TEKT3: variants seen among roughly 807,000 people sequenced by gnomAD.
TEKT3 encodes the protein tektin 3, also known as tektin-3.
TEKT3 carries 49 observed loss-of-function variants against 49.8 expected under a neutral mutation model. The ratio of observed to expected loss-of-function variants is 0.98; its 90% CI spans 0.78 to 1.25. The LOEUF is 1.25. Ranked by LOEUF, TEKT3 falls within the 50% of genes most tolerant of loss-of-function variation. TEKT3 has a pLI of 0.00. For synonymous variants in TEKT3, 225 were observed against 237.2 expected (o/e 0.95, Z 0.47); for missense variants, 595 against 629.5 (o/e 0.95, Z 0.59).
intron 5 of TEKT3, among the ~76,000 whole-genome samples, chr17:15,316,017 CT>C (rs1910989751): frequency 6.6e-6 from 1 of 152,206 alleles, no homozygotes; most frequent in South Asian, 2.1e-4. Flanking sequence ...TGTTTTTCTT[CT>C]TTGTAAAGTG....
rs928346314 is a variant in TEKT3, at chr17:15,331,518, A to G, written c.68T>C (p.Leu23Pro). 1.2e-6 allele frequency: 2 copies of G among 1,614,056 alleles called. No homozygotes were observed. The highest frequency in any genetic ancestry group is 1.7e-6 in the Non-Finnish European group (2 of 1,180,030). The change falls in exon 3 of 9, where the codon CTA (leucine) becomes CCA (proline). Residue 23 changes from leucine (L) to proline (P), a missense_variant. By Grantham distance (98) the Leu-to-Pro change is moderately conservative (BLOSUM62 -3). Coordinates refer to ENST00000395930, the MANE Select transcript of TEKT3 (RefSeq NM_031898.3). Reference protein sequence around the residue: ...AHPRPTPTNFLPAISTMASSY... With the variant: ...AHPRPTPTNFPPAISTMASSY... ...TGAGGCCATGGTACTGATGGCTGGT[A>G]GAAAGTTGGTTGGTGTTGGTCTAGG...
At position 15,314,028 on chromosome 17, in the gene TEKT3, C is replaced by T. The variant is rs1381949226; in HGVS notation, c.878+59G>A. ...TTTTAACCTGTAAGCTGTGTCCTTT[C>T]GAAAGGAGAAAGAGTTAAATGACAT... is the stretch of plus-strand genomic sequence containing the variant. On this transcript the variant is annotated intron_variant, in intron 6 of 8. Transcript: ENST00000395930. The T allele has an allele frequency of 2.4e-5, 38 of 1,609,152 alleles. No homozygotes were observed. The South Asian group carries it at 2.6e-4, about 11-fold the overall frequency.
At chr17:15,317,023 TG>T (rs1911039600) in intron 5 of TEKT3, among the ~76,000 whole-genome samples, 1 of 152,186 alleles carries the variant, frequency 6.6e-6, no homozygotes, top group Non-Finnish European at 1.5e-5. Flanking sequence ...AGGGTTTCAT[TG>T]CTCCTTCTGA....
chr17:15,343,451 C>T (rs942418086), upstream of TEKT3, among the ~76,000 whole-genome samples: 3 of 152,154 alleles, frequency 2.0e-5, no homozygotes, highest in South Asian at 4.1e-4. Flanking sequence ...ACGATAGAGA[C>T]CTCCTACAAT....
rs554194118 is a variant in TEKT3 at position 15,309,032 on chromosome 17, G to A, written c.1102-214C>T. Among the ~76,000 whole-genome samples, 27 of 152,198 alleles carry A rather than the reference G, an allele frequency of 1.8e-4. 1 individual carries two copies. The highest frequency in any genetic ancestry group is 8.3e-4 in the South Asian group (4 of 4,810). ...CATGCACCTGCTCTGGAGAGTGGGC[G>A]GCGCCTCTCTCCCCAACCCTAGGCT... On this transcript the variant is annotated intron_variant, in intron 7 of 8. Coordinates refer to ENST00000395930, the MANE Select transcript of TEKT3 (RefSeq NM_031898.3).
At chr17:15,333,719 T>G (rs1396838590) in intron 2 of TEKT3, among the ~76,000 whole-genome samples, 1 of 149,594 alleles carries the variant, frequency 6.7e-6, no homozygotes, top group East Asian at 1.9e-4. Context: ...CTACTTGGCT[T>G]TGGTTTATTT....
chr17:15,313,667 C>G (rs1386023128), intron 6 of TEKT3, among the ~76,000 whole-genome samples: 3 of 152,068 alleles, frequency 2.0e-5, no homozygotes, highest in Admixed American at 2.0e-4. Flanking sequence ...CACCACCATG[C>G]CTGGCTAATT....
chr17:15,315,852 G>A (rs180750559), intron 5 of TEKT3, among the ~76,000 whole-genome samples: 1 of 152,180 alleles, frequency 6.6e-6, no homozygotes, highest in African/African-American at 2.4e-5. Context: ...GAATGAGCTT[G>A]GGAATTTCTA....
At position 15,331,182 on chromosome 17, in the gene TEKT3, G is replaced by A. The variant is rs751407485; in HGVS notation, c.404C>T (p.Thr135Ile). 1 of 1,614,096 alleles carries A rather than the reference G, an allele frequency of 6.2e-7. No individual in the cohort carries two copies. Residue 135 changes from threonine (T) to isoleucine (I), a missense_variant, in exon 3 of 9, where the codon ACA (threonine) becomes ATA (isoleucine). Transcript: ENST00000395930. ...SRLIQDKYQQ[T>I]RKTQADTTQN... The stretch of plus-strand genomic sequence containing the variant: ...GGTTGTGTCTGCCTGAGTTTTTCTT[G>A]TTTGTTGATATTTGTCTTGAATCAG...
At chr17:15,328,931 G>C (rs1911598726) in intron 3 of TEKT3, among the ~76,000 whole-genome samples, 1 of 152,124 alleles carries the variant, frequency 6.6e-6, no homozygotes, top group Non-Finnish European at 1.5e-5. Flanking sequence ...CTATAATCCA[G>C]ATATACTATC....
chr17:15,319,057 T>C lies in TEKT3; in HGVS notation c.734+20A>G, dbSNP rs373341211. 1.4e-5 allele frequency: 23 copies of C among 1,591,792 alleles called. No homozygotes were observed. Among genetic ancestry groups the C allele is most frequent in the Middle Eastern group, 1.7e-4 (1 of 5,912 alleles). On this transcript the variant is annotated intron_variant, in intron 5 of 8. Coordinates refer to ENST00000395930, the MANE Select transcript of TEKT3 (RefSeq NM_031898.3). Reference sequence around the variant, plus strand: ...GTTCAATGATAGATTTTGAATTGTATAGAGACATAAAGCTCTTACGCAAGT... The same window carrying C: ...GTTCAATGATAGATTTTGAATTGTACAGAGACATAAAGCTCTTACGCAAGT...
At chr17:15,339,931 A>AT (rs2150757259) in intron 2 of TEKT3, 97 bp downstream of exon 2, 1 of 152,236 alleles carries the variant, frequency 6.6e-6, no homozygotes, top group African/African-American at 2.4e-5. Context: ...CAAAAAAAAA[A>AT]GTTTGGTTAA....
intron 8 of TEKT3, among the ~76,000 whole-genome samples, chr17:15,305,837 G>A (rs1475053211): frequency 6.6e-6 from 1 of 151,138 alleles, no homozygotes; most frequent in African/African-American, 2.4e-5. Flanking sequence ...TAGAATACTT[G>A]TTTTCACACT....
At chr17:15,327,875 G>T in intron 4 of TEKT3, 117 bp downstream of exon 4, 2 of 808,434 alleles carry the variant, frequency 2.5e-6, no homozygotes, top group South Asian at 1.7e-5. Flanking sequence ...ATCAGCATCT[G>T]ATACGATAAT....
Position 15,331,608 on chromosome 17 carries a change from A to C in TEKT3, c.-23T>G, listed in dbSNP as rs931724278. On this transcript the variant is annotated 5_prime_UTR_variant, in exon 3 of 9. Coordinates refer to ENST00000395930, the MANE Select transcript of TEKT3 (RefSeq NM_031898.3). ...CATGATGCCAAAACACTATTTGTAA[A>C]TCTCTCCTGTTAAAAAATAAAAAGT... The C allele has an allele frequency of 6.3e-7, 1 of 1,576,914 alleles. No individual in the cohort carries two copies. Among genetic ancestry groups the C allele is most frequent in the African/African-American group, 1.4e-5 (1 of 73,212 alleles).
chr17:15,320,858 A>G (rs930650203), intron 4 of TEKT3, among the ~76,000 whole-genome samples: 1 of 152,148 alleles, frequency 6.6e-6, no homozygotes, highest in Non-Finnish European at 1.5e-5. Context: ...CAAAAGATGC[A>G]TGGAGTCCTG....
At chr17:15,306,089 ATGTG>A (rs58688985) in intron 8 of TEKT3, among the ~76,000 whole-genome samples, 2,691 of 144,384 alleles carry the variant, frequency 0.019, 70 homozygotes, top group African/African-American at 0.054. Flanking sequence ...ATTTATATAT[ATGTG>A]TGTGTGTGTG....
At chr17:15,330,434 C>T (rs549024492) in intron 3 of TEKT3, among the ~76,000 whole-genome samples, 1 of 152,024 alleles carries the variant, frequency 6.6e-6, no homozygotes, top group South Asian at 2.1e-4. Context: ...GTCCCTTCGG[C>T]GCTGTTCTCA....
At position 15,318,410 on chromosome 17, in the gene TEKT3, G is replaced by A. The variant is rs148448194; in HGVS notation, c.734+667C>T. On this transcript the variant is annotated intron_variant, in intron 5 of 8. Coordinates refer to ENST00000395930, the MANE Select transcript of TEKT3 (RefSeq NM_031898.3). ...AGTCAATCTCTTATGTAAAAAAAAT[G>A]CCAGTCTTTTGAGTTAAAAGAAATC... 7.2e-5 allele frequency among the ~76,000 whole-genome samples: 11 copies of A among 152,246 alleles called. No homozygotes were observed. The East Asian group carries it at 2.1e-3, about 29-fold the overall frequency.
Sources: allele counts gnomAD v4.1 joint callset (sites outside exome capture counted in the v4.1 genomes callset), GRCh38; gene constraint gnomAD v4.1.1; transcripts MANE v1.5; gene names NCBI Gene and HGNC (gene_info 2026-07-23, HGNC 2026-07-21).